PRKAA1: variants seen among roughly 807,000 people sequenced by gnomAD.
PRKAA1 encodes the protein protein kinase AMP-activated catalytic subunit alpha 1.
Under a neutral mutation model 56.9 loss-of-function variants are expected in PRKAA1, and 23 were observed. The observed-to-expected ratio is 0.40, with a 90% CI of 0.29 to 0.57. The LOEUF (loss-of-function observed/expected upper bound fraction) is 0.57, where lower values mean the gene tolerates loss of function less well. Among genes scored for constraint, PRKAA1 ranks in the 20% least tolerant of loss-of-function variants. The pLI is 0.39. For missense variants in PRKAA1, 413 were observed against 679.7 expected, an observed-to-expected ratio of 0.61 and a Z score of 4.36; for synonymous variants, 226 against 227.0, an observed-to-expected ratio of 1.00 and a Z score of 0.04.
At position 40,761,409 on chromosome 5, in the gene PRKAA1, G is replaced by C. The variant is rs1307180288; in HGVS notation, c.*1369C>G. The C allele has an allele frequency of 6.6e-6, 1 of 151,992 alleles. No homozygotes were observed. The highest frequency in any genetic ancestry group is 1.9e-4 in the East Asian group (1 of 5,186). The allele number at this position is 151,992 out of a possible 1,614,324, so 9.4% of individuals were successfully genotyped here. On this transcript the variant is annotated 3_prime_UTR_variant, in exon 9 of 9. Transcript: ENST00000397128. Reference sequence around the variant, plus strand: ...GTCTGTAACATCCAAATGGTTCAGGGGGAAAAAAGCATATATACATACACA... The same window carrying C: ...GTCTGTAACATCCAAATGGTTCAGGCGGAAAAAAGCATATATACATACACA...
At chr5:40,763,274 A>C (rs1743279099) in intron 8 of PRKAA1, among the ~76,000 whole-genome samples, 1 of 152,230 alleles carries the variant, frequency 6.6e-6, no homozygotes, top group Non-Finnish European at 1.5e-5. Context: ...ATCCAAGGTT[A>C]AGAGCCCAGT....
intron 6 of PRKAA1, among the ~76,000 whole-genome samples, chr5:40,765,780 G>A (rs766464653): frequency 1.3e-5 from 2 of 151,954 alleles, no homozygotes; most frequent in Non-Finnish European, 2.9e-5. Flanking sequence ...CATGCTCAAG[G>A]TCACAAAGAC....
rs750667805 is a variant in PRKAA1, at chr5:40,765,130, C to T, written c.930G>A (p.Lys310=). 3 of 1,614,162 alleles carry T rather than the reference C, an allele frequency of 1.9e-6. No individual in the cohort carries two copies. In the South Asian group the frequency reaches 3.3e-5, roughly 18 times the overall value. The change falls in exon 7 of 9, where the codon AAG becomes AAA. Residue 310 remains lysine, a synonymous_variant. Coordinates refer to ENST00000397128, the MANE Select transcript of PRKAA1 (RefSeq NM_006251.6). ...GAACTTCCTCTTCTGAGCACTCAAACTTTTCACATACTTCTTTTAAGGCTT... is the reference window on the plus strand; with the variant it reads ...GAACTTCCTCTTCTGAGCACTCAAATTTTTCACATACTTCTTTTAAGGCTT... ...DDEALKEVCE[K]FECSEEEVLS...
chr5:40,769,071 C>A, intron 5 of PRKAA1: 1 of 661,058 alleles, frequency 1.5e-6, no homozygotes, highest in South Asian at 2.0e-5. Flanking sequence ...TAAAGCTACA[C>A]ATTACATGTT....
At chr5:40,768,649 T>G in intron 5 of PRKAA1, 1 of 1,167,914 alleles carries the variant, frequency 8.6e-7, no homozygotes, top group South Asian at 3.4e-5. Context: ...CTTATAAAAA[T>G]AGAAAATACT....
At chr5:40,793,242 T>G (rs3805489) in intron 1 of PRKAA1, among the ~76,000 whole-genome samples, 33,296 of 152,054 alleles carry the variant, frequency 0.22, 4,407 homozygotes, top group Admixed American at 0.38. Context: ...ATGCTTTTTT[T>G]GGGCAGAGGG....
intron 5 of PRKAA1, 69 bp downstream of exon 5, chr5:40,769,347 A>G: frequency 8.1e-7 from 1 of 1,237,802 alleles, no homozygotes; most frequent in Non-Finnish European, 1.2e-6. Context: ...ATGACACTAT[A>G]GACTAACAAA....
chr5:40,793,432 ACAAT>A (rs1744797944), intron 1 of PRKAA1, among the ~76,000 whole-genome samples: 1 of 152,236 alleles, frequency 6.6e-6, no homozygotes, highest in African/African-American at 2.4e-5. Flanking sequence ...GTAACAGGAA[ACAAT>A]CACTCCGAAC....
rs1039697438 is a variant in PRKAA1 at position 40,759,962 on chromosome 5, T to C, written c.*2816A>G. 3.9e-5 allele frequency: 6 copies of C among 152,880 alleles called. No homozygotes were observed. In the South Asian group the frequency reaches 1.0e-3, roughly 26 times the overall value. The allele number at this position is 152,880 out of a possible 1,614,324, so 9.5% of individuals were successfully genotyped here. A position where few individuals can be genotyped will look rare whatever the true frequency, so the allele number is the denominator to read the frequency against. On this transcript the variant is annotated 3_prime_UTR_variant, in exon 9 of 9. Transcript: ENST00000397128. ...ATTTTAATGGCAAAATTTTTACATA[T>C]CAGTAAAATCTGTTATACTTAAAAC...
rs1260898470 is a variant in PRKAA1, at chr5:40,761,617, A to T, written c.*1161T>A. Reference sequence around the variant, plus strand: ...TGTTCATAATAAAATTTGGGGGGGAAGTCATATCAGAGCACTTAAAGTTTG... The same window carrying T: ...TGTTCATAATAAAATTTGGGGGGGATGTCATATCAGAGCACTTAAAGTTTG... On this transcript the variant is annotated 3_prime_UTR_variant, in exon 9 of 9. Transcript: ENST00000397128. 1 of 152,202 alleles carries T rather than the reference A, an allele frequency of 6.6e-6. No individual in the cohort carries two copies. Among genetic ancestry groups the T allele is most frequent in the African/African-American group, 2.4e-5 (1 of 41,450 alleles). The allele number at this position is 152,202 out of a possible 1,614,324, so 9.4% of individuals were successfully genotyped here. A position where few individuals can be genotyped will look rare whatever the true frequency, so the allele number is the denominator to read the frequency against.
chr5:40,786,786 CAAAAAAAAAAAAAAA>C (rs34749478), intron 1 of PRKAA1, among the ~76,000 whole-genome samples: 103 of 43,510 alleles, frequency 2.4e-3, no homozygotes, highest in Non-Finnish European at 3.1e-3. Context: ...ACTAAAAATA[CAAAAAAAAAAAAAAA>C]AAAAAAAAAA....
At chr5:40,793,944 A>C (rs1744820999) in intron 1 of PRKAA1, among the ~76,000 whole-genome samples, 1 of 152,152 alleles carries the variant, frequency 6.6e-6, no homozygotes. Flanking sequence ...TCTACTAAAA[A>C]TACAAAAATT....
At chr5:40,797,934 A>C in intron 1 of PRKAA1, 129 bp downstream of exon 1, 2 of 1,318,950 alleles carry the variant, frequency 1.5e-6, no homozygotes, top group Non-Finnish European at 2.0e-6. Flanking sequence ...CTCCCGCAGG[A>C]TCCGGGACAG....
chr5:40,769,837 G>T (rs952495418), intron 4 of PRKAA1, among the ~76,000 whole-genome samples: 1 of 129,528 alleles, frequency 7.7e-6, no homozygotes, highest in African/African-American at 2.9e-5. Flanking sequence ...TGAATAGAAG[G>T]ATTAAAATTC....
At position 40,781,956 on chromosome 5, in the gene PRKAA1, C is replaced by T. The variant is rs548559632; in HGVS notation, c.128-4370G>A. 2.0e-4 allele frequency among the ~76,000 whole-genome samples: 31 copies of T among 152,306 alleles called. No individual in the cohort carries two copies. In the South Asian group the frequency reaches 6.0e-3, roughly 29 times the overall value. The stretch of plus-strand genomic sequence containing the variant: ...AGAGCAGCCAACTTGACTGTTAAAG[C>T]TTGCTTCAGGAAGTATCTTTTTTCT... On this transcript the variant is annotated intron_variant, in intron 1 of 8. Coordinates refer to ENST00000397128, the MANE Select transcript of PRKAA1 (RefSeq NM_006251.6).
chr5:40,770,544 G>A (rs1333443887), intron 4 of PRKAA1, among the ~76,000 whole-genome samples: 1 of 150,584 alleles, frequency 6.6e-6, no homozygotes, highest in Admixed American at 6.6e-5. Flanking sequence ...TTTCTCTTAG[G>A]TTTAGTAAGG....
At chr5:40,778,155 A>G (rs1239196958) in intron 1 of PRKAA1, among the ~76,000 whole-genome samples, 4 of 152,170 alleles carry the variant, frequency 2.6e-5, no homozygotes, top group Admixed American at 6.5e-5. Context: ...GAGGTGAAGC[A>G]GGAGAATCAC....
intron 1 of PRKAA1, among the ~76,000 whole-genome samples, chr5:40,794,101 CAA>C (rs34697780): frequency 1.4e-4 from 19 of 139,526 alleles, no homozygotes; most frequent in East Asian, 2.1e-4. Context: ...AAACTGTCTC[CAA>C]AAAAAAAAAA....
chr5:40,786,882 G>C (rs1744514059), intron 1 of PRKAA1, among the ~76,000 whole-genome samples: 1 of 146,928 alleles, frequency 6.8e-6, no homozygotes, highest in Non-Finnish European at 1.5e-5. Flanking sequence ...CACTTGAACA[G>C]AGCAGGCAGA....
Sources: gnomAD v4.1 joint callset for allele counts (sites outside exome capture counted in the v4.1 genomes callset) on GRCh38, gnomAD v4.1.1 for gene constraint, MANE v1.5 for transcripts, NCBI Gene and HGNC (gene_info 2026-07-23, HGNC 2026-07-21) for gene names.